LIN28B: variants seen among roughly 807,000 people sequenced by gnomAD.
LIN28B encodes protein lin-28 homolog B.
In LIN28B, 5 loss-of-function variants were observed where a neutral mutation model predicts 21.9. The observed-to-expected ratio is 0.23, with a 90% CI of 0.12 to 0.48. The LOEUF (loss-of-function observed/expected upper bound fraction) is 0.48, where lower values mean the gene tolerates loss of function less well. Ranked by LOEUF, LIN28B falls within the 20% of genes least tolerant of loss-of-function variation. The probability of loss-of-function intolerance (pLI) is 0.98; values close to 1 mark genes in which losing one functional copy is unlikely to be tolerated. For missense variants in LIN28B, 245 were observed against 310.5 expected (o/e 0.79, Z 1.58); for synonymous variants, 109 against 111.3 (o/e 0.98, Z 0.13).
chr6:104,987,311 C>T (rs1770368197), intron 2 of LIN28B, among the ~76,000 whole-genome samples: 1 of 152,114 alleles, frequency 6.6e-6, no homozygotes, highest in Non-Finnish European at 1.5e-5. Context: ...GCCCTTGCAT[C>T]TTGCAACCTT....
rs1311429943 is a variant in LIN28B at position 105,080,268 on chromosome 6, C to A, written c.*1485C>A. 1 of 152,440 alleles carries A rather than the reference C, an allele frequency of 6.6e-6. No homozygotes were observed. Among genetic ancestry groups the A allele is most frequent in the Non-Finnish European group, 1.5e-5 (1 of 68,026 alleles). 9.4% of individuals were successfully genotyped at this position (152,440 alleles called of 1,614,324 possible). On this transcript the variant is annotated 3_prime_UTR_variant, in exon 4 of 4. Transcript: ENST00000345080. ...TATGGGCAAATTTCTGAAACATCTG[C>A]AAGAAGGTACCAGTTAATTATAGTG...
intron 3 of LIN28B, among the ~76,000 whole-genome samples, chr6:105,056,068 T>C (rs184065967): frequency 6.6e-6 from 1 of 152,064 alleles, no homozygotes; most frequent in Admixed American, 6.5e-5. Context: ...GCCTCTGTTT[T>C]TATTTTTTTC....
intron 2 of LIN28B, among the ~76,000 whole-genome samples, chr6:105,021,384 A>C (rs1771138403): frequency 3.9e-5 from 6 of 152,196 alleles, no homozygotes; most frequent in Admixed American, 3.9e-4. Context: ...GTCAATACCC[A>C]GTAGTGGGAT....
chr6:105,050,634 A>AAAAAT (rs1562106868), intron 3 of LIN28B, among the ~76,000 whole-genome samples: 1 of 147,126 alleles, frequency 6.8e-6, no homozygotes, highest in Non-Finnish European at 1.5e-5. Context: ...AAAAAAAAAA[A>AAAAAT]GAATGTTGAA....
At chr6:104,973,539 C>A (rs75036068) in intron 2 of LIN28B, among the ~76,000 whole-genome samples, 2 of 152,152 alleles carry the variant, frequency 1.3e-5, no homozygotes, top group Non-Finnish European at 2.9e-5. Context: ...CTCCTCCCCC[C>A]ACTCCCCTTT....
At chr6:104,967,576 C>CAA (rs71003462) in intron 2 of LIN28B, among the ~76,000 whole-genome samples, 69 of 60,634 alleles carry the variant, frequency 1.1e-3, no homozygotes, top group South Asian at 1.9e-3. Context: ...AACTCCCTCT[C>CAA]AAAAAAAAAA....
intron 3 of LIN28B, among the ~76,000 whole-genome samples, chr6:105,060,078 T>C (rs899788447): frequency 1.3e-5 from 2 of 152,070 alleles, no homozygotes; most frequent in African/African-American, 4.8e-5. Flanking sequence ...TAATTTTGTA[T>C]TTTTAGTAGA....
intron 3 of LIN28B, among the ~76,000 whole-genome samples, chr6:105,040,059 C>T (rs189021627): frequency 6.6e-6 from 1 of 152,012 alleles, no homozygotes; most frequent in Non-Finnish European, 1.5e-5. Flanking sequence ...TTTTTCTCCT[C>T]GTTTACTCAG....
At chr6:105,048,577 G>A (rs1029162519) in intron 3 of LIN28B, among the ~76,000 whole-genome samples, 3 of 152,166 alleles carry the variant, frequency 2.0e-5, no homozygotes, top group Non-Finnish European at 4.4e-5. Flanking sequence ...GATTGGAATA[G>A]TTTCAGAAGG....
chr6:104,937,139 T>A (rs1406368109), intron 2 of LIN28B: 1 of 152,240 alleles, frequency 6.6e-6, no homozygotes, highest in South Asian at 2.1e-4. Context: ...CTAAACTCTA[T>A]TTTTCTTTCT....
chr6:104,993,214 TCC>T, intron 2 of LIN28B, among the ~76,000 whole-genome samples: 1 of 152,304 alleles, frequency 6.6e-6, no homozygotes, highest in South Asian at 2.1e-4. Flanking sequence ...ACTCATGTAA[TCC>T]CAGCACTTAG....
chr6:105,059,481 G>T (rs555700632), intron 3 of LIN28B, among the ~76,000 whole-genome samples: 3 of 152,216 alleles, frequency 2.0e-5, no homozygotes, highest in African/African-American at 7.2e-5. Context: ...TTTCAGACTC[G>T]CTGTGTCTCC....
intron 2 of LIN28B, among the ~76,000 whole-genome samples, chr6:104,992,002 A>G (rs1452652586): frequency 6.7e-6 from 1 of 148,612 alleles, no homozygotes; most frequent in Admixed American, 6.7e-5. Context: ...AGACCGTGGA[A>G]AGAGGGAGGG....
At chr6:104,963,297 C>T (rs527581133) in intron 2 of LIN28B, among the ~76,000 whole-genome samples, 13 of 152,248 alleles carry the variant, frequency 8.5e-5, no homozygotes, top group East Asian at 7.7e-4. Flanking sequence ...CCACCCACCT[C>T]GGCCTCCCAA....
chr6:104,940,041 ATGAT>A (rs1778060168), intron 2 of LIN28B: 1 of 155,336 alleles, frequency 6.4e-6, no homozygotes, highest in Non-Finnish European at 1.5e-5. Context: ...TTGAGTGATG[ATGAT>A]TAAGTTTGTA....
At chr6:105,015,889 A>C (rs990086324) in intron 2 of LIN28B, among the ~76,000 whole-genome samples, 8 of 152,170 alleles carry the variant, frequency 5.3e-5, no homozygotes, top group Non-Finnish European at 1.0e-4. Context: ...TAGGAAACAA[A>C]GCTTACTATG....
intron 2 of LIN28B, among the ~76,000 whole-genome samples, chr6:104,986,290 A>G (rs1770340165): frequency 6.6e-6 from 1 of 152,132 alleles, no homozygotes; most frequent in Non-Finnish European, 1.5e-5. Context: ...TTCTGTATAA[A>G]TTACCTAGTT....
intron 3 of LIN28B, among the ~76,000 whole-genome samples, chr6:105,041,335 G>A (rs975042968): frequency 6.6e-6 from 1 of 151,382 alleles, no homozygotes; most frequent in African/African-American, 2.4e-5. Context: ...CCTGTTTTTT[G>A]TTTCTTTCAG....
intron 3 of LIN28B, among the ~76,000 whole-genome samples, chr6:105,032,955 A>G (rs1174872887): frequency 6.6e-6 from 1 of 151,964 alleles, no homozygotes; most frequent in African/African-American, 2.4e-5. Flanking sequence ...TTTTTGCCAG[A>G]TACATGATTT....
Sources: allele counts gnomAD v4.1 joint callset (sites outside exome capture counted in the v4.1 genomes callset), GRCh38; gene constraint gnomAD v4.1.1; transcripts MANE v1.5; gene names NCBI Gene and HGNC (gene_info 2026-07-23, HGNC 2026-07-21).